Variants in SV2C observed in about 807,000 individuals in gnomAD.
SV2C encodes the protein synaptic vesicle glycoprotein 2C, also known as solute carrier family 22 member B3.
SV2C carries 49 observed loss-of-function variants against 79.7 expected under a neutral mutation model. The observed-to-expected ratio is 0.61, with a 90% CI of 0.49 to 0.78. SV2C has a LOEUF of 0.78. SV2C is among the 30% of genes least tolerant of loss of function. SV2C has a pLI of 0.00. For missense variants in SV2C, 833 were observed against 912.9 expected (o/e 0.91, Z 1.13); for synonymous variants, 334 against 333.2 (o/e 1.00, Z -0.03).
intron 2 of SV2C, 94 bp downstream of exon 2, chr5:76,132,424 T>A: frequency 2.4e-6 from 3 of 1,262,694 alleles, no homozygotes; most frequent in Non-Finnish European, 3.2e-6. Flanking sequence ...TCATCTAGAG[T>A]ACTGCATTTT....
the SV2C span, among the ~76,000 whole-genome samples, chr5:75,972,664 C>A: frequency 5.3e-5 from 8 of 151,944 alleles, no homozygotes; most frequent in Non-Finnish European, 7.4e-5. Flanking sequence ...GATCATTAAA[C>A]AGTCAGGAAA....
chr5:76,341,600 TTCC>T (rs1749443236), intron 12 of SV2C, among the ~76,000 whole-genome samples: 2 of 152,228 alleles, frequency 1.3e-5, no homozygotes, highest in African/African-American at 4.8e-5. Flanking sequence ...AAATTAGTTT[TTCC>T]AAGCATTCAT....
chr5:76,045,915 G>C, the SV2C span, among the ~76,000 whole-genome samples: 1 of 152,136 alleles, frequency 6.6e-6, no homozygotes, highest in Non-Finnish European at 1.5e-5. Context: ...GGGACATGGG[G>C]AGGGGTAAAA....
chr5:76,016,459 A>G, the SV2C span, among the ~76,000 whole-genome samples: 1 of 152,086 alleles, frequency 6.6e-6, no homozygotes, highest in East Asian at 1.9e-4. Flanking sequence ...GTCTCTCACC[A>G]CAAGGGGGAG....
At chr5:76,164,241 T>G (rs1742977573) in intron 2 of SV2C, among the ~76,000 whole-genome samples, 1 of 152,226 alleles carries the variant, frequency 6.6e-6, no homozygotes, top group South Asian at 2.1e-4. Context: ...TTAGAAGTAT[T>G]AAAGGTTATT....
chr5:76,211,445 A>G (rs1744764454), intron 4 of SV2C, among the ~76,000 whole-genome samples: 1 of 149,330 alleles, frequency 6.7e-6, no homozygotes, highest in Non-Finnish European at 1.5e-5. Context: ...AGGAAAGGGG[A>G]GAGAAGTGTT....
chr5:76,129,657 G>A (rs1748816598), intron 1 of SV2C, among the ~76,000 whole-genome samples: 1 of 152,174 alleles, frequency 6.6e-6, no homozygotes. Flanking sequence ...ACCCTGTAAA[G>A]CATGTGGTAA....
chr5:76,035,599 A>T, the SV2C span, among the ~76,000 whole-genome samples: 1 of 117,188 alleles, frequency 8.5e-6, no homozygotes, highest in East Asian at 2.4e-4. Flanking sequence ...GTTTGATTGC[A>T]CTGTGATCTG....
intron 4 of SV2C, among the ~76,000 whole-genome samples, chr5:76,225,267 T>C (rs1287699436): frequency 1.3e-5 from 2 of 152,232 alleles, no homozygotes; most frequent in African/African-American, 4.8e-5. Flanking sequence ...TTCTGATCTT[T>C]TATGTAACAC....
At chr5:75,931,475 T>C in the SV2C span, among the ~76,000 whole-genome samples, 2 of 152,250 alleles carry the variant, frequency 1.3e-5, no homozygotes, top group African/African-American at 2.4e-5. Flanking sequence ...CGTGTAACTT[T>C]GTTCTCACTT....
intron 2 of SV2C, among the ~76,000 whole-genome samples, chr5:76,190,261 G>A (rs1049758018): frequency 6.6e-6 from 1 of 152,218 alleles, no homozygotes; most frequent in African/African-American, 2.4e-5. Context: ...CAGTATAAAA[G>A]AGAGATCAGG....
chr5:75,866,256 T>C, the SV2C span, among the ~76,000 whole-genome samples: 3 of 151,736 alleles, frequency 2.0e-5, no homozygotes, highest in East Asian at 3.9e-4. Flanking sequence ...TCTTTTCTTA[T>C]GCTAAACAGG....
the SV2C span, among the ~76,000 whole-genome samples, chr5:76,028,149 G>T: frequency 3.4e-3 from 522 of 152,250 alleles, 3 homozygotes; most frequent in Admixed American, 6.1e-3. Flanking sequence ...TCATGGCTTG[G>T]AAACTGTCTT....
chr5:76,056,987 A>G, the SV2C span, among the ~76,000 whole-genome samples: 4 of 151,786 alleles, frequency 2.6e-5, no homozygotes, highest in Admixed American at 6.6e-5. Flanking sequence ...CTGTGTCTCT[A>G]TCTCCTTCAG....
chr5:75,872,755 C>T, the SV2C span, among the ~76,000 whole-genome samples: 23 of 151,282 alleles, frequency 1.5e-4, no homozygotes, highest in East Asian at 3.1e-3. Context: ...TATTTAAATA[C>T]GAAAAATATG....
the SV2C span, among the ~76,000 whole-genome samples, chr5:76,055,286 T>C: frequency 6.6e-6 from 1 of 152,188 alleles, no homozygotes; most frequent in Non-Finnish European, 1.5e-5. Context: ...TTTCATCAAG[T>C]TTGTCAAAGA....
upstream of SV2C, chr5:76,079,806 C>T (rs1287086182): frequency 9.7e-6 from 2 of 206,032 alleles, no homozygotes; most frequent in Non-Finnish European, 2.0e-5. Context: ...TGCAAATGGC[C>T]TTTTTCACTT....
At chr5:75,897,334 T>C in the SV2C span, among the ~76,000 whole-genome samples, 7 of 151,948 alleles carry the variant, frequency 4.6e-5, no homozygotes, top group African/African-American at 4.8e-5. Flanking sequence ...AATCCTTTCC[T>C]CATTGCTTGT....
intron 4 of SV2C, among the ~76,000 whole-genome samples, chr5:76,269,280 A>C (rs1746767658): frequency 6.6e-6 from 1 of 152,246 alleles, no homozygotes; most frequent in African/African-American, 2.4e-5. Flanking sequence ...TATAGTTCTC[A>C]GATGTATAAA....
Sources: allele counts gnomAD v4.1 joint callset (sites outside exome capture counted in the v4.1 genomes callset), GRCh38; gene constraint gnomAD v4.1.1; transcripts MANE v1.5; gene names NCBI Gene and HGNC (gene_info 2026-07-23, HGNC 2026-07-21).